Variants in ZFPM2 observed in about 807,000 individuals in gnomAD.
ZFPM2 encodes the protein zinc finger protein ZFPM2.
In ZFPM2, 20 loss-of-function variants were observed where a neutral mutation model predicts 98.6. That is an observed-to-expected ratio of 0.20 (90% CI 0.14 to 0.29). ZFPM2 has a LOEUF of 0.29. Among genes scored for constraint, ZFPM2 ranks in the 10% least tolerant of loss-of-function variants. ZFPM2 has a pLI of 1.00. For synonymous variants in ZFPM2, 518 were observed against 502.7 expected (o/e 1.03, Z -0.41); for missense variants, 1,310 against 1,388.6 (o/e 0.94, Z 0.90).
chr8:105,560,711 T>C (rs1418693260), intron 3 of ZFPM2, among the ~76,000 whole-genome samples: 3 of 152,102 alleles, frequency 2.0e-5, no homozygotes, highest in Non-Finnish European at 2.9e-5. Flanking sequence ...CTATTTCCCT[T>C]TATAGGTTCC....
chr8:105,398,290 A>T (rs555252809), intron 1 of ZFPM2, among the ~76,000 whole-genome samples: 16 of 152,138 alleles, frequency 1.1e-4, no homozygotes, highest in Admixed American at 2.0e-4. Context: ...GTCCATCAGC[A>T]TTCCTCTGAA....
chr8:105,351,354 C>CGTGTGTGTGT (rs139105567), intron 1 of ZFPM2, among the ~76,000 whole-genome samples: 1,820 of 144,816 alleles, frequency 0.013, 15 homozygotes, highest in Non-Finnish European at 0.019. Context: ...TGCATTATTT[C>CGTGTGTGTGT]GTGTGTGTGT....
At chr8:105,650,362 G>T (rs866256642) in intron 5 of ZFPM2, among the ~76,000 whole-genome samples, 1 of 151,868 alleles carries the variant, frequency 6.6e-6, no homozygotes, top group African/African-American at 2.4e-5. Context: ...AGGGTTTTTC[G>T]TGTCTCTATC....
At chr8:105,645,207 C>A (rs770506689) in intron 5 of ZFPM2, among the ~76,000 whole-genome samples, 21 of 152,118 alleles carry the variant, frequency 1.4e-4, no homozygotes, top group Non-Finnish European at 2.5e-4. Context: ...AATAGTCTTA[C>A]AATATTCTTC....
intron 4 of ZFPM2, among the ~76,000 whole-genome samples, chr8:105,585,907 G>A (rs565749582): frequency 7.2e-5 from 11 of 152,024 alleles, no homozygotes. Context: ...TAGAAGGGAT[G>A]TCTAAGAAGA....
intron 3 of ZFPM2, among the ~76,000 whole-genome samples, chr8:105,461,814 C>T (rs1354112839): frequency 1.3e-5 from 2 of 152,082 alleles, no homozygotes; most frequent in Non-Finnish European, 2.9e-5. Context: ...CTTGACCAAT[C>T]AGGAAACTGA....
chr8:105,427,093 G>C (rs1811930201), intron 2 of ZFPM2, among the ~76,000 whole-genome samples: 1 of 152,104 alleles, frequency 6.6e-6, no homozygotes, highest in Non-Finnish European at 1.5e-5. Context: ...GAATGAGATT[G>C]ATTTTTTTAA....
intron 6 of ZFPM2, among the ~76,000 whole-genome samples, chr8:105,790,868 A>G (rs1813588251): frequency 6.6e-6 from 1 of 152,106 alleles, no homozygotes; most frequent in Non-Finnish European, 1.5e-5. Context: ...TGTGAATGGG[A>G]GTTCACTCAT....
chr8:105,788,748 C>T lies in ZFPM2; in HGVS notation c.563C>T (p.Ala188Val), dbSNP rs1813498535. The change falls in exon 6 of 8, where the codon GCC (alanine) becomes GTC (valine). Residue 188 changes from alanine (A) to valine (V), a missense_variant. By Grantham distance (64) the Ala-to-Val change is moderately conservative. Coordinates refer to ENST00000407775, the MANE Select transcript of ZFPM2 (RefSeq NM_012082.4). ...GGQLWCTTTK[A>V]ISEGEELIAF... ...CAGCTTTGGTGTACAACTACGAAGG[C>T]CATCTCTGAGGGTGAAGAGCTAATT... 1 of 1,613,926 alleles carries T rather than the reference C, an allele frequency of 6.2e-7. No individual in the cohort carries two copies. Among genetic ancestry groups the T allele is most frequent in the Non-Finnish European group, 8.5e-7 (1 of 1,179,866 alleles).
intron 2 of ZFPM2, among the ~76,000 whole-genome samples, chr8:105,438,462 ATTTTC>A (rs1366735991): frequency 6.6e-6 from 1 of 152,134 alleles, no homozygotes; most frequent in African/African-American, 2.4e-5. Flanking sequence ...GAACTGGATC[ATTTTC>A]TTTAAGTTCT....
intron 1 of ZFPM2, among the ~76,000 whole-genome samples, chr8:105,322,222 G>A (rs901607513): frequency 1.3e-5 from 2 of 152,046 alleles, no homozygotes; most frequent in Admixed American, 6.6e-5. Flanking sequence ...AAATTGCCCA[G>A]ATTGTTCTCC....
chr8:105,615,298 G>T (rs1373504233), intron 4 of ZFPM2, among the ~76,000 whole-genome samples: 3 of 152,114 alleles, frequency 2.0e-5, no homozygotes, highest in Non-Finnish European at 4.4e-5. Context: ...AGTCTCAGAA[G>T]ATATGGAAGA....
chr8:105,630,248 G>A (rs1385075152), intron 4 of ZFPM2, among the ~76,000 whole-genome samples: 1 of 152,152 alleles, frequency 6.6e-6, no homozygotes, highest in Non-Finnish European at 1.5e-5. Context: ...GACATGGGAA[G>A]TGAACCTAAT....
chr8:105,619,504 A>C (rs1816488841), intron 4 of ZFPM2, among the ~76,000 whole-genome samples: 1 of 152,074 alleles, frequency 6.6e-6, no homozygotes, highest in Admixed American at 6.6e-5. Flanking sequence ...TAATTTATTT[A>C]AAATTATAAA....
chr8:105,521,113 G>T (rs964867010), intron 3 of ZFPM2, among the ~76,000 whole-genome samples: 1 of 142,940 alleles, frequency 7.0e-6, no homozygotes, highest in Non-Finnish European at 1.5e-5. Context: ...TAAAATTTGT[G>T]TATGTGTGTA....
chr8:105,328,704 G>A (rs976907080), intron 1 of ZFPM2, among the ~76,000 whole-genome samples: 1 of 151,794 alleles, frequency 6.6e-6, no homozygotes. Context: ...GGATAAAACT[G>A]TCTGAATTTG....
intron 3 of ZFPM2, among the ~76,000 whole-genome samples, chr8:105,534,131 C>G (rs1563704660): frequency 1.4e-5 from 1 of 73,092 alleles, no homozygotes; most frequent in East Asian, 4.3e-4. Context: ...TCCTTCCTCC[C>G]TTCCTTCCTT....
In ZFPM2 at chr8:105,524,365, T is replaced by C. The variant is rs555562042; in HGVS notation, c.302-36998T>C. Among the ~76,000 whole-genome samples, 11 of 152,212 alleles carry C rather than the reference T, an allele frequency of 7.2e-5. No homozygotes were observed. In the East Asian group the frequency reaches 2.1e-3, roughly 29 times the overall value. On this transcript the variant is annotated intron_variant, in intron 3 of 7. Coordinates refer to ENST00000407775, the MANE Select transcript of ZFPM2 (RefSeq NM_012082.4). ...TTTGCAGAGTGAATGAGTAAATAAG[T>C]GAAAGATGCCTAAACTATACTTATC...
intron 5 of ZFPM2, among the ~76,000 whole-genome samples, chr8:105,699,470 A>G (rs1360690380): frequency 6.6e-6 from 1 of 152,090 alleles, no homozygotes; most frequent in African/African-American, 2.4e-5. Context: ...CCACACTGGT[A>G]TTTTTCTAAA....
Sources: allele counts gnomAD v4.1 joint callset (sites outside exome capture counted in the v4.1 genomes callset), GRCh38; gene constraint gnomAD v4.1.1; transcripts MANE v1.5; gene names NCBI Gene and HGNC (gene_info 2026-07-23, HGNC 2026-07-21).